The following ICA1 variants were observed in gnomAD, a reference collection of about 807,000 sequenced individuals.
The protein encoded by ICA1 is 69 kDa islet cell autoantigen.
Under a neutral mutation model 71.0 loss-of-function variants are expected in ICA1, and 40 were observed. The ratio of observed to expected loss-of-function variants is 0.56; its 90% CI spans 0.44 to 0.73. ICA1 has a LOEUF of 0.73. Ranked by LOEUF, ICA1 falls within the 30% of genes least tolerant of loss-of-function variation. ICA1 has a pLI of 0.00. For synonymous variants in ICA1, 207 were observed against 209.5 expected (o/e 0.99, Z 0.10); for missense variants, 578 against 576.5 (o/e 1.00, Z -0.03).
chr7:8,182,542 G>A (rs558989610), intron 6 of ICA1, among the ~76,000 whole-genome samples: 2 of 152,056 alleles, frequency 1.3e-5, no homozygotes, highest in South Asian at 2.1e-4. Flanking sequence ...GTTCCAAAGT[G>A]GAATGAATTA....
intron 6 of ICA1, among the ~76,000 whole-genome samples, chr7:8,191,094 C>T (rs1785435929): frequency 6.6e-6 from 1 of 152,118 alleles, no homozygotes; most frequent in Non-Finnish European, 1.5e-5. Context: ...GATAGCTGTC[C>T]ATCGTTCCTG....
intron 6 of ICA1, among the ~76,000 whole-genome samples, chr7:8,216,609 C>A (rs190277965): frequency 7.4e-6 from 1 of 135,676 alleles, no homozygotes; most frequent in East Asian, 2.0e-4. Context: ...ACATAAAATT[C>A]TTCTGCCTTC....
chr7:8,255,237 G>A (rs558722971), intron 1 of ICA1, among the ~76,000 whole-genome samples: 4 of 152,176 alleles, frequency 2.6e-5, no homozygotes, highest in Admixed American at 1.3e-4. Flanking sequence ...AGAGTTCTAA[G>A]CCCATGCTCT....
At chr7:8,147,558 C>T (rs1797454014) in intron 8 of ICA1, among the ~76,000 whole-genome samples, 1 of 151,944 alleles carries the variant, frequency 6.6e-6, no homozygotes, top group East Asian at 1.9e-4. Flanking sequence ...ACTAAAAAAA[C>T]TAGAGCTCCT....
chr7:8,148,561 T>C (rs926646287), intron 8 of ICA1, among the ~76,000 whole-genome samples: 8 of 152,322 alleles, frequency 5.3e-5, no homozygotes, highest in Admixed American at 2.6e-4. Flanking sequence ...AATCAGCCTA[T>C]GGTAAAATGG....
At chr7:8,230,694 A>C (rs762619507) in intron 3 of ICA1, among the ~76,000 whole-genome samples, 33 of 152,244 alleles carry the variant, frequency 2.2e-4, no homozygotes, top group Admixed American at 7.9e-4. Flanking sequence ...ATGAGATATA[A>C]AAAGCATATA....
intron 8 of ICA1, among the ~76,000 whole-genome samples, chr7:8,153,142 T>C (rs185413636): frequency 6.4e-4 from 98 of 152,344 alleles, no homozygotes; most frequent in Non-Finnish European, 1.0e-3. Context: ...TAAAGCTAGG[T>C]CTGGCTGGCT....
chr7:8,172,997 C>T (rs1808951438), intron 6 of ICA1, among the ~76,000 whole-genome samples: 1 of 152,190 alleles, frequency 6.6e-6, no homozygotes, highest in Middle Eastern at 3.2e-3. Context: ...ATATCACTGA[C>T]AACGGAGGTG....
At chr7:8,175,557 T>G (rs1254108405) in intron 6 of ICA1, among the ~76,000 whole-genome samples, 4 of 152,166 alleles carry the variant, frequency 2.6e-5, no homozygotes, top group African/African-American at 9.7e-5. Context: ...AAACCACACA[T>G]GCAGCTGACA....
intron 3 of ICA1, among the ~76,000 whole-genome samples, chr7:8,232,311 G>C (rs1468129602): frequency 6.6e-6 from 1 of 152,198 alleles, no homozygotes; most frequent in African/African-American, 2.4e-5. Flanking sequence ...GCAAGCAGCA[G>C]CTCTTTGACT....
chr7:8,192,841 C>T (rs1320263113), intron 6 of ICA1, among the ~76,000 whole-genome samples: 1 of 152,208 alleles, frequency 6.6e-6, no homozygotes, highest in East Asian at 1.9e-4. Context: ...TATTTTAACG[C>T]TTAAATGATC....
At chr7:8,135,360 C>A (rs1360209746) in intron 12 of ICA1, among the ~76,000 whole-genome samples, 2 of 151,918 alleles carry the variant, frequency 1.3e-5, no homozygotes, top group Non-Finnish European at 2.9e-5. Context: ...AAGGGTAAAT[C>A]TATAGAGAGC....
intron 5 of ICA1, among the ~76,000 whole-genome samples, chr7:8,220,480 G>A (rs1469586713): frequency 6.6e-6 from 1 of 152,156 alleles, no homozygotes; most frequent in East Asian, 1.9e-4. Context: ...GAATATTTGT[G>A]GGAACTACCT....
In ICA1 at chr7:8,232,875, A is replaced by G. The variant is rs1464524767; in HGVS notation, c.18-120T>C. On this transcript the variant is annotated intron_variant, in intron 2 of 13. Coordinates refer to ENST00000402384, the MANE Select transcript of ICA1 (RefSeq NM_001136020.3). ...TGCATTTACATTTACAACATTGATAAACGTATGAGCACTTTCTTATCTGGG... is the reference window on the plus strand; with the variant it reads ...TGCATTTACATTTACAACATTGATAGACGTATGAGCACTTTCTTATCTGGG... The G allele has an allele frequency of 3.6e-6, 3 of 833,810 alleles. No individual in the cohort carries two copies. The African/African-American group carries it at 5.3e-5, about 15-fold the overall frequency. The allele number at this position is 833,810 out of a possible 1,614,324, so 51.7% of individuals were successfully genotyped here. A position where few individuals can be genotyped will look rare whatever the true frequency, so the allele number is the denominator to read the frequency against.
intron 6 of ICA1, among the ~76,000 whole-genome samples, chr7:8,200,925 T>G (rs1278493935): frequency 6.6e-6 from 1 of 152,206 alleles, no homozygotes; most frequent in East Asian, 1.9e-4. Context: ...TGGACTGAAG[T>G]GTTTCATGTC....
chr7:8,239,451 T>C (rs940755115), intron 1 of ICA1, among the ~76,000 whole-genome samples: 1 of 152,208 alleles, frequency 6.6e-6, no homozygotes, highest in Non-Finnish European at 1.5e-5. Context: ...CGAATAGGAA[T>C]AGCTCCAGTC....
In ICA1 at chr7:8,122,263, T is replaced by C. The variant is rs527689467; in HGVS notation, c.1330+5610A>G. 2.6e-5 allele frequency among the ~76,000 whole-genome samples: 4 copies of C among 152,222 alleles called. No homozygotes were observed. In the East Asian group the frequency reaches 5.8e-4, roughly 22 times the overall value. ...AACAATGCCACGAAGACAGCTAAGC[T>C]AAGATGTGGGAGGTGTGGACAGTGA... On this transcript the variant is annotated intron_variant, in intron 13 of 13. Coordinates refer to ENST00000402384, the MANE Select transcript of ICA1 (RefSeq NM_001136020.3).
At chr7:8,157,021 G>A in intron 8 of ICA1, 95 bp downstream of exon 8, 1 of 1,607,452 alleles carries the variant, frequency 6.2e-7, no homozygotes, top group Non-Finnish European at 8.5e-7. Context: ...TCTGAGTCCT[G>A]GAATAATGAT....
chr7:8,232,822 T>C lies in ICA1; in HGVS notation c.18-67A>G. On this transcript the variant is annotated intron_variant, in intron 2 of 13. Transcript: ENST00000402384. ...AAGATTAAGATATTTTAGTGTGAAA[T>C]GATTTCTTTAAACATGACTTTCCAT... 3 of 1,342,566 alleles carry C rather than the reference T, an allele frequency of 2.2e-6. No individual in the cohort carries two copies. In the South Asian group the frequency reaches 5.2e-5, roughly 23 times the overall value. 83.2% of individuals were successfully genotyped at this position (1,342,566 alleles called of 1,614,324 possible). A position where few individuals can be genotyped will look rare whatever the true frequency, so the allele number is the denominator to read the frequency against.
Sources: gnomAD v4.1 joint callset for allele counts (sites outside exome capture counted in the v4.1 genomes callset) on GRCh38, gnomAD v4.1.1 for gene constraint, MANE v1.5 for transcripts, NCBI Gene and HGNC (gene_info 2026-07-23, HGNC 2026-07-21) for gene names.